The following IGDCC3 variants were observed in gnomAD, a reference collection of about 807,000 sequenced individuals.
IGDCC3 encodes putative neuronal cell adhesion molecule.
A neutral mutation model predicts 72.0 loss-of-function variants in IGDCC3; 47 were observed. The ratio of observed to expected loss-of-function variants is 0.65; its 90% CI spans 0.52 to 0.83. The LOEUF is 0.83. Ranked by LOEUF, IGDCC3 falls within the 40% of genes least tolerant of loss-of-function variation. The pLI is 0.00. For missense variants in IGDCC3, 1,038 were observed against 1,091.3 expected, an observed-to-expected ratio of 0.95 and a Z score of 0.69; for synonymous variants, 477 against 472.8, an observed-to-expected ratio of 1.01 and a Z score of -0.11.
At chr15:65,369,774 C>T (rs1430038919) in intron 2 of IGDCC3, among the ~76,000 whole-genome samples, 1 of 152,034 alleles carries the variant, frequency 6.6e-6, no homozygotes, top group Non-Finnish European at 1.5e-5. Flanking sequence ...CCAGGAACTA[C>T]CTCCCTCCAT....
chr15:65,365,707 T>A lies in IGDCC3; in HGVS notation c.409+9390A>T, dbSNP rs368565533. 2.0e-4 allele frequency among the ~76,000 whole-genome samples: 30 copies of A among 152,308 alleles called. 1 individual carries two copies. The South Asian group carries it at 6.0e-3, about 31-fold the overall frequency. Reference sequence around the variant, plus strand: ...GCAGAGGCCCGAGCTCACCTACTTCTGCTTCTGAAACAGAAATCCCACTCT... The same window carrying A: ...GCAGAGGCCCGAGCTCACCTACTTCAGCTTCTGAAACAGAAATCCCACTCT... On this transcript the variant is annotated intron_variant, in intron 2 of 13. Transcript: ENST00000327987.
rs1331270296 is a variant in IGDCC3, at chr15:65,335,929, T to C, written c.437A>G (p.Gln146Arg). Residue 146 changes from glutamine to arginine, a missense_variant, in exon 3 of 14, where the codon CAG becomes CGG. Physicochemically the swap from Gln to Arg is conservative, Grantham distance 43 (BLOSUM62 1). Transcript: ENST00000327987. ...ATMSDFHVHPQATVGEEGGVA... is the reference protein window; with the variant it reads ...ATMSDFHVHPRATVGEEGGVA... ...ACCACCCTCCTCACCCACGGTGGCC[T>C]GGGGATGCACGTGGAAGTCCGACAT... 1 of 1,614,046 alleles carries C rather than the reference T, an allele frequency of 6.2e-7. No individual in the cohort carries two copies. The highest frequency in any genetic ancestry group is 1.7e-5 in the Admixed American group (1 of 60,020).
chr15:65,330,921 G>C, intron 9 of IGDCC3, 129 bp downstream of exon 9: 1 of 1,176,818 alleles, frequency 8.5e-7, no homozygotes, highest in Non-Finnish European at 1.2e-6. Flanking sequence ...CCTCCAAGTA[G>C]ACTCAGCCCT....
In IGDCC3 at chr15:65,327,558, G is replaced by C. The variant is rs2090929631; in HGVS notation, c.*1351C>G. Reference sequence around the variant, plus strand: ...TTCTGCTATTTAAAAAAATGTTTCTGAGTATAACCAAAAATAGGTATTTGT... The same window carrying C: ...TTCTGCTATTTAAAAAAATGTTTCTCAGTATAACCAAAAATAGGTATTTGT... On this transcript the variant is annotated 3_prime_UTR_variant, in exon 14 of 14. Transcript: ENST00000327987. 6.6e-6 allele frequency: 1 copy of C among 152,194 alleles called. No homozygotes were observed. Among genetic ancestry groups the C allele is most frequent in the African/African-American group, 2.4e-5 (1 of 41,400 alleles). 9.4% of individuals were successfully genotyped at this position (152,194 alleles called of 1,614,324 possible).
chr15:65,355,740 G>T (rs1313300603), intron 2 of IGDCC3: 1 of 449,640 alleles, frequency 2.2e-6, no homozygotes, highest in East Asian at 7.3e-5. Context: ...CACCGCGGGT[G>T]AATGAGAGAA....
At chr15:65,338,905 C>G (rs984608037) in intron 2 of IGDCC3, among the ~76,000 whole-genome samples, 8 of 149,220 alleles carry the variant, frequency 5.4e-5, no homozygotes, top group African/African-American at 1.7e-4. Context: ...AGTATTTTTT[C>G]TTTTTTTTTT....
rs1184205751 is a variant in IGDCC3 at position 65,329,711 on chromosome 15, T to C, written c.1997+15A>G. The C allele has an allele frequency of 6.8e-6, 11 of 1,613,890 alleles. No individual in the cohort carries two copies. In the East Asian group the frequency reaches 1.3e-4, roughly 20 times the overall value. ...CACACACCAGCCCAGCCCCTCTCCC[T>C]GGCCCAGGACCCACCTGCCCCTTTG... On this transcript the variant is annotated intron_variant, in intron 12 of 13. Transcript: ENST00000327987. The surrounding 1 kb of genome is among the most constrained non-coding windows in gnomAD (Gnocchi z 4.1).
rs2090944980 is a variant in IGDCC3, at chr15:65,328,685, G to A, written c.*224C>T. ...AGAGGCAAGGGGGCGTCAGCCCAGG[G>A]AAGGAACAGGCTCCTGCAGGAACTG... On this transcript the variant is annotated 3_prime_UTR_variant, in exon 14 of 14. Transcript: ENST00000327987. The A allele has an allele frequency of 9.6e-6, 4 of 418,688 alleles. No homozygotes were observed. Among genetic ancestry groups the A allele is most frequent in the Non-Finnish European group, 1.6e-5 (4 of 243,858 alleles). The allele number at this position is 418,688 out of a possible 1,614,324, so 25.9% of individuals were successfully genotyped here. A position where few individuals can be genotyped will look rare whatever the true frequency, so the allele number is the denominator to read the frequency against.
rs2090964307 is a variant in IGDCC3 at position 65,330,284 on chromosome 15, A to C, written c.1858+9T>G. ...CCACTCAGCCCCGCACTCCATCCCC[A>C]GCCCTCACCTGTCCTCTCAGATGCT... On this transcript the variant is annotated intron_variant, in intron 11 of 13. Coordinates refer to ENST00000327987, the MANE Select transcript of IGDCC3 (RefSeq NM_004884.4). 1 of 1,599,342 alleles carries C rather than the reference A, an allele frequency of 6.3e-7. No individual in the cohort carries two copies. Among genetic ancestry groups the C allele is most frequent in the African/African-American group, 1.3e-5 (1 of 74,538 alleles).
At chr15:65,343,341 T>A (rs1019837615) in intron 2 of IGDCC3, among the ~76,000 whole-genome samples, 2 of 150,242 alleles carry the variant, frequency 1.3e-5, no homozygotes, top group Non-Finnish European at 3.0e-5. Context: ...AGGGAGTGCA[T>A]GGTGGAGCTC....
rs1398215151 is a variant in IGDCC3, at chr15:65,339,462, A to G, written c.410-3506T>C. On this transcript the variant is annotated intron_variant, in intron 2 of 13. Transcript: ENST00000327987. This position sits in a 1 kb window ranked among gnomAD's most constrained non-coding sequence, Gnocchi z 4.1. ...ATTTTTTTCTTTAGGAAGTTTGAGGAAAAGGGATGTTGAGGCCATTTCGGC... is the reference window on the plus strand; with the variant it reads ...ATTTTTTTCTTTAGGAAGTTTGAGGGAAAGGGATGTTGAGGCCATTTCGGC... Among the ~76,000 whole-genome samples the G allele has an allele frequency of 6.6e-6, 1 of 152,172 alleles. No individual in the cohort carries two copies. Among genetic ancestry groups the G allele is most frequent in the Admixed American group, 6.5e-5 (1 of 15,270 alleles).
rs1214935054 is a variant in IGDCC3, at chr15:65,329,013, C to G, written c.2341G>C (p.Ala781Pro). The G allele has an allele frequency of 1.7e-5, 27 of 1,611,572 alleles. No homozygotes were observed. Among genetic ancestry groups the G allele is most frequent in the Non-Finnish European group, 2.2e-5 (26 of 1,179,200 alleles). ...CCTCCATCTGGGGGTGGTGGGGCAG[C>G]CGCCAGGCCGGCGCAGGGAGCCGTG... ...EATAPCAGLA[A>P]APPPPDGGPG... Residue 781 changes from alanine to proline, a missense_variant, in exon 14 of 14, where the codon GCT (alanine) becomes CCT (proline). Ala to Pro is a conservative substitution (Grantham distance 27, BLOSUM62 -1). Coordinates refer to ENST00000327987, the MANE Select transcript of IGDCC3 (RefSeq NM_004884.4). The surrounding 1 kb of genome is among the most constrained non-coding windows in gnomAD (Gnocchi z 4.1).
At chr15:65,367,414 T>C (rs1397309119) in intron 2 of IGDCC3, among the ~76,000 whole-genome samples, 3 of 148,444 alleles carry the variant, frequency 2.0e-5, no homozygotes, top group Non-Finnish European at 4.5e-5. Context: ...CTTTAGGAGA[T>C]ATACCTAATG....
chr15:65,329,478 C>T lies in IGDCC3; in HGVS notation c.2117G>A (p.Gly706Asp), dbSNP rs1258367467. 4.3e-6 allele frequency: 7 copies of T among 1,610,316 alleles called. No individual in the cohort carries two copies. The highest frequency in any genetic ancestry group is 1.7e-4 in the Middle Eastern group (1 of 6,046). The change falls in exon 13 of 14, where the codon GGC becomes GAC. Residue 706 changes from glycine (G) to aspartate (D), a missense_variant. Coordinates refer to ENST00000327987, the MANE Select transcript of IGDCC3 (RefSeq NM_004884.4). This position sits in a 1 kb window ranked among gnomAD's most constrained non-coding sequence, Gnocchi z 4.1. ...GARRGQRGQL[G>D]RDEKRVDMKE... ...CATATCCACACGTTTCTCGTCTCGG[C>T]CCAGCTGGCCCCGCTGTCCCCGTCT...
At chr15:65,346,789 T>C (rs145948967) in intron 2 of IGDCC3, among the ~76,000 whole-genome samples, 3 of 152,298 alleles carry the variant, frequency 2.0e-5, no homozygotes, top group African/African-American at 7.2e-5. Flanking sequence ...GCTGGATATG[T>C]GATCTTGGTA....
rs377605035 is a variant in IGDCC3 at position 65,376,685 on chromosome 15, C to A, written c.103+1001G>T. Among the ~76,000 whole-genome samples the A allele has an allele frequency of 1.1e-4, 17 of 151,888 alleles. No individual in the cohort carries two copies. The East Asian group carries it at 2.3e-3, about 21-fold the overall frequency. ...AGGATCGCACTTATTCAAACCCCTG[C>A]GCATCCTCCCCATGTCGTGAGTTCA... is the stretch of plus-strand genomic sequence containing the variant. On this transcript the variant is annotated intron_variant, in intron 1 of 13. Coordinates refer to ENST00000327987, the MANE Select transcript of IGDCC3 (RefSeq NM_004884.4).
At chr15:65,340,663 T>C (rs1394652569) in intron 2 of IGDCC3, among the ~76,000 whole-genome samples, 1 of 152,214 alleles carries the variant, frequency 6.6e-6, no homozygotes, top group Non-Finnish European at 1.5e-5. Context: ...GACACATACC[T>C]GAATCCCATA....
chr15:65,360,772 T>G (rs2091255171), intron 2 of IGDCC3, among the ~76,000 whole-genome samples: 1 of 152,080 alleles, frequency 6.6e-6, no homozygotes, highest in South Asian at 2.1e-4. Context: ...ATCTGGGCCC[T>G]TTCTTTCTTT....
intron 2 of IGDCC3, among the ~76,000 whole-genome samples, chr15:65,337,486 A>C (rs1447541403): frequency 1.3e-5 from 2 of 152,064 alleles, no homozygotes; most frequent in Admixed American, 6.5e-5. Flanking sequence ...CAGCCCTTAT[A>C]AACAGTACCT....
Sources: allele counts gnomAD v4.1 joint callset (sites outside exome capture counted in the v4.1 genomes callset), GRCh38; gene constraint gnomAD v4.1.1; non-coding constraint Gnocchi (gnomAD v3.1); transcripts MANE v1.5; gene names NCBI Gene and HGNC (gene_info 2026-07-23, HGNC 2026-07-21).